LDB2: variants seen among roughly 807,000 people sequenced by gnomAD.
The protein encoded by LDB2 is LIM domain binding 2.
LDB2 carries 12 observed loss-of-function variants against 44.3 expected under a neutral mutation model. The ratio of observed to expected loss-of-function variants is 0.27; its 90% CI spans 0.17 to 0.44. The LOEUF (loss-of-function observed/expected upper bound fraction) is 0.44. Among genes scored for constraint, LDB2 ranks in the 20% least tolerant of loss-of-function variants. The probability of loss-of-function intolerance (pLI) is 1.00; values close to 1 mark genes in which losing one functional copy is unlikely to be tolerated. For synonymous variants in LDB2, 164 were observed against 174.8 expected (o/e 0.94, Z 0.49); for missense variants, 344 against 473.5 (o/e 0.73, Z 2.54).
At chr4:16,767,654 G>A (rs1487985751) in intron 1 of LDB2, among the ~76,000 whole-genome samples, 1 of 152,216 alleles carries the variant, frequency 6.6e-6, no homozygotes, top group African/African-American at 2.4e-5. Flanking sequence ...GCATACAGCA[G>A]CCTCCAGGTA....
At chr4:16,878,655 C>G (rs16894148) in intron 1 of LDB2, among the ~76,000 whole-genome samples, 5,390 of 152,292 alleles carry the variant, frequency 0.035, 158 homozygotes, top group East Asian at 0.092. Context: ...CCTTAACATC[C>G]TATCTGTAGT....
At chr4:16,719,092 A>T (rs1271639112) in intron 2 of LDB2, among the ~76,000 whole-genome samples, 3 of 151,944 alleles carry the variant, frequency 2.0e-5, no homozygotes, top group African/African-American at 4.8e-5. Flanking sequence ...AAGAAAAAAA[A>T]AAACCTATTT....
intron 1 of LDB2, among the ~76,000 whole-genome samples, chr4:16,818,516 T>C (rs1781355068): frequency 6.6e-6 from 1 of 152,248 alleles, no homozygotes; most frequent in Non-Finnish European, 1.5e-5. Context: ...TGATCATTTG[T>C]TGTTCTTTAT....
At chr4:16,560,594 G>A (rs1490753741) in intron 5 of LDB2, among the ~76,000 whole-genome samples, 1 of 152,148 alleles carries the variant, frequency 6.6e-6, no homozygotes, top group South Asian at 2.1e-4. Context: ...CAACCAAAAA[G>A]AGTCCAGGAC....
chr4:16,897,934 A>G (rs1298010486), intron 1 of LDB2, among the ~76,000 whole-genome samples: 36 of 16,798 alleles, frequency 2.1e-3, no homozygotes, highest in Admixed American at 6.4e-3. Flanking sequence ...ATATATATAT[A>G]TATACACATA....
intron 5 of LDB2, among the ~76,000 whole-genome samples, chr4:16,530,673 T>C (rs1445354226): frequency 6.6e-6 from 1 of 152,254 alleles, no homozygotes; most frequent in African/African-American, 2.4e-5. Context: ...CAGGCTTTCT[T>C]TGAGGTACAG....
In LDB2 at chr4:16,572,119, A is replaced by C. The variant is rs186336019; in HGVS notation, c.615+13803T>G. Among the ~76,000 whole-genome samples, 500 of 152,330 alleles carry C rather than the reference A, an allele frequency of 3.3e-3. 2 individuals are homozygous for C. Among genetic ancestry groups the C allele is most frequent in the Non-Finnish European group, 4.4e-3 (296 of 68,014 alleles). ...AGTTCACTAAGCAGTGAAGCCCGCC[A>C]GTTCCTTTTCTGATTTCAGGCTACT... On this transcript the variant is annotated intron_variant, in intron 5 of 7. Transcript: ENST00000304523.
intron 1 of LDB2, among the ~76,000 whole-genome samples, chr4:16,897,924 A>G (rs920484244): frequency 5.0e-4 from 9 of 17,948 alleles, no homozygotes; most frequent in Middle Eastern, 0.025. Flanking sequence ...ATATATATAT[A>G]TATATATATA....
chr4:16,871,520 A>G (rs1716575650), intron 1 of LDB2, among the ~76,000 whole-genome samples: 1 of 152,230 alleles, frequency 6.6e-6, no homozygotes, highest in Non-Finnish European at 1.5e-5. Context: ...GTCACTGATG[A>G]ATGAATGAAG....
intron 1 of LDB2, among the ~76,000 whole-genome samples, chr4:16,869,051 C>G (rs576083890): frequency 2.0e-5 from 3 of 152,074 alleles, no homozygotes; most frequent in Non-Finnish European, 2.9e-5. Context: ...CTACCATTTG[C>G]CAGACACCAT....
chr4:16,801,427 C>T (rs1297119696), intron 1 of LDB2, among the ~76,000 whole-genome samples: 2 of 152,094 alleles, frequency 1.3e-5, no homozygotes, highest in Non-Finnish European at 2.9e-5. Context: ...ATAAATGAAA[C>T]TGGAAGTATA....
intron 2 of LDB2, among the ~76,000 whole-genome samples, chr4:16,664,275 G>A (rs75077592): frequency 2.0e-5 from 3 of 152,204 alleles, no homozygotes; most frequent in Non-Finnish European, 2.9e-5. Context: ...TCTGAACCAG[G>A]AAGCTGGCCC....
In LDB2 at chr4:16,662,794, C is replaced by T. The variant is rs112140717; in HGVS notation, c.236-66919G>A. On this transcript the variant is annotated intron_variant, in intron 2 of 7. Coordinates refer to ENST00000304523, the MANE Select transcript of LDB2 (RefSeq NM_001290.5). Reference sequence around the variant, plus strand: ...TTTGACTTCCACCATGATTGTGAGGCCTCCCAAGCCATGTGGAAATGTGAG... The same window carrying T: ...TTTGACTTCCACCATGATTGTGAGGTCTCCCAAGCCATGTGGAAATGTGAG... Among the ~76,000 whole-genome samples the T allele has an allele frequency of 1.9e-3, 283 of 151,940 alleles. 2 individuals carry two copies. Among genetic ancestry groups the T allele is most frequent in the African/African-American group, 6.5e-3 (270 of 41,438 alleles).
intron 2 of LDB2, among the ~76,000 whole-genome samples, chr4:16,744,384 T>C (rs1213742293): frequency 6.6e-6 from 1 of 152,088 alleles, no homozygotes; most frequent in Non-Finnish European, 1.5e-5. Flanking sequence ...CTTGAACTCC[T>C]GACCTCAAGT....
At chr4:16,730,999 T>G (rs984843349) in intron 2 of LDB2, among the ~76,000 whole-genome samples, 6 of 152,166 alleles carry the variant, frequency 3.9e-5, no homozygotes, top group African/African-American at 1.4e-4. Flanking sequence ...AGGACAAAGC[T>G]TTCCCACACT....
chr4:16,537,686 A>G (rs1732329894), intron 5 of LDB2, among the ~76,000 whole-genome samples: 1 of 152,186 alleles, frequency 6.6e-6, no homozygotes, highest in African/African-American at 2.4e-5. Flanking sequence ...AGGAGGGTCA[A>G]TGAGGGATCC....
At chr4:16,887,032 C>CAAAAAAAAAAA (rs371783496) in intron 1 of LDB2, among the ~76,000 whole-genome samples, 1 of 50,460 alleles carries the variant, frequency 2.0e-5, no homozygotes, top group African/African-American at 6.7e-5. Flanking sequence ...AACTCCGTCT[C>CAAAAAAAAAAA]AAAAAAAAAA....
At position 16,830,639 on chromosome 4, in the gene LDB2, G is replaced by A. The variant is rs114846607; in HGVS notation, c.132+67715C>T. ...TACATGAAGGAGTCATTAAGAGCAA[G>A]CATATTCCTTTTTGTTTCTTTTAAA... On this transcript the variant is annotated intron_variant, in intron 1 of 7. Coordinates refer to ENST00000304523, the MANE Select transcript of LDB2 (RefSeq NM_001290.5). 4.7e-4 allele frequency among the ~76,000 whole-genome samples: 72 copies of A among 152,326 alleles called. 2 individuals are homozygous for A. Among genetic ancestry groups the A allele is most frequent in the Non-Finnish European group, 3.5e-4 (24 of 68,024 alleles).
At chr4:16,734,099 C>A (rs1029643489) in intron 2 of LDB2, among the ~76,000 whole-genome samples, 1 of 152,122 alleles carries the variant, frequency 6.6e-6, no homozygotes, top group Non-Finnish European at 1.5e-5. Flanking sequence ...TGATACTCAC[C>A]TTTTAAAGTT....
Sources: allele counts gnomAD v4.1 joint callset (sites outside exome capture counted in the v4.1 genomes callset), GRCh38; gene constraint gnomAD v4.1.1; transcripts MANE v1.5; gene names NCBI Gene and HGNC (gene_info 2026-07-23, HGNC 2026-07-21).